CSMD1: variants seen among roughly 807,000 people sequenced by gnomAD.
The protein encoded by CSMD1 is CUB and sushi domain-containing protein 1.
Under a neutral mutation model 417.5 loss-of-function variants are expected in CSMD1, and 213 were observed. The ratio of observed to expected loss-of-function variants is 0.51; its 90% CI spans 0.46 to 0.57. The LOEUF (loss-of-function observed/expected upper bound fraction) is 0.57, where lower values mean the gene tolerates loss of function less well. CSMD1 is among the 20% of genes least tolerant of loss of function. The pLI is 0.00. For synonymous variants in CSMD1, 2,862 were observed against 1,736.8 expected, an observed-to-expected ratio of 1.65 and a Z score of -16.11; for missense variants, 6,923 against 4,529.7, an observed-to-expected ratio of 1.53 and a Z score of -15.17.
intron 2 of CSMD1, among the ~76,000 whole-genome samples, chr8:4,420,965 C>G (rs891903533): frequency 6.6e-6 from 1 of 152,276 alleles, no homozygotes. Context: ...TCACGGGGAT[C>G]TTCAACTCTC....
rs1033007028 is a variant in CSMD1 at position 4,037,503 on chromosome 8, A to G, written c.416-5404T>C. On this transcript the variant is annotated intron_variant, in intron 3 of 69. Coordinates refer to ENST00000635120, the MANE Select transcript of CSMD1 (RefSeq NM_033225.6). ...TACAGATTTTTTTCTTTACCTTAACATCTTGACACTTAATTTTAGAAGAAT... is the reference window on the plus strand; with the variant it reads ...TACAGATTTTTTTCTTTACCTTAACGTCTTGACACTTAATTTTAGAAGAAT... Among the ~76,000 whole-genome samples the G allele has an allele frequency of 2.0e-5, 3 of 152,278 alleles. No individual in the cohort carries two copies. The East Asian group carries it at 5.8e-4, about 29-fold the overall frequency.
intron 3 of CSMD1, among the ~76,000 whole-genome samples, chr8:4,236,539 G>A (rs924894570): frequency 4.6e-5 from 7 of 152,242 alleles, no homozygotes; most frequent in Middle Eastern, 6.8e-3. Flanking sequence ...GATTTCATGT[G>A]ACTTAGAAAA....
intron 26 of CSMD1, among the ~76,000 whole-genome samples, chr8:3,271,278 A>G (rs1484417466): frequency 1.3e-5 from 2 of 151,892 alleles, no homozygotes; most frequent in Non-Finnish European, 2.9e-5. Context: ...TTAAGGCTGC[A>G]TAGTATTCCA....
intron 1 of CSMD1, among the ~76,000 whole-genome samples, chr8:4,669,498 C>G (rs1343391503): frequency 6.6e-6 from 1 of 152,140 alleles, no homozygotes; most frequent in Non-Finnish European, 1.5e-5. Flanking sequence ...GTCATCTTTC[C>G]TTTCTGCCTA....
At chr8:4,005,193 C>A (rs763339186) in intron 4 of CSMD1, among the ~76,000 whole-genome samples, 2 of 152,102 alleles carry the variant, frequency 1.3e-5, no homozygotes, top group African/African-American at 2.4e-5. Flanking sequence ...GCAGTGCATA[C>A]TGCACAGGTG....
At chr8:4,399,157 T>A (rs999341996) in intron 3 of CSMD1, among the ~76,000 whole-genome samples, 9 of 152,198 alleles carry the variant, frequency 5.9e-5, no homozygotes, top group African/African-American at 2.2e-4. Flanking sequence ...CTTTGTGTGA[T>A]CAGCATACAG....
intron 3 of CSMD1, among the ~76,000 whole-genome samples, chr8:4,248,935 T>C (rs1003839603): frequency 5.0e-4 from 76 of 152,230 alleles, no homozygotes; most frequent in Non-Finnish European, 1.5e-4. Flanking sequence ...TTAATGCATG[T>C]AGATGCATAA....
At chr8:2,983,082 T>C (rs1212176073) in intron 54 of CSMD1, among the ~76,000 whole-genome samples, 2 of 152,222 alleles carry the variant, frequency 1.3e-5, no homozygotes, top group Non-Finnish European at 2.9e-5. Flanking sequence ...TCAACTGTTT[T>C]TTAATTAGAT....
chr8:4,033,593 T>C (rs768316173), intron 3 of CSMD1, among the ~76,000 whole-genome samples: 1 of 152,194 alleles, frequency 6.6e-6, no homozygotes, highest in African/African-American at 2.4e-5. Flanking sequence ...TGTGTAAAAC[T>C]AAGTTGTGGC....
At chr8:3,767,425 G>A (rs1487660754) in intron 5 of CSMD1, among the ~76,000 whole-genome samples, 1 of 152,170 alleles carries the variant, frequency 6.6e-6, no homozygotes, top group Non-Finnish European at 1.5e-5. Flanking sequence ...TGTTCATTGT[G>A]TGAATAACGA....
intron 1 of CSMD1, among the ~76,000 whole-genome samples, chr8:4,794,728 A>G (rs1797880917): frequency 6.6e-6 from 1 of 152,206 alleles, no homozygotes. Context: ...TCTCAGGAAA[A>G]AAGCTCTGAA....
chr8:3,508,439 T>C (rs967783758), intron 10 of CSMD1, among the ~76,000 whole-genome samples: 3 of 151,852 alleles, frequency 2.0e-5, no homozygotes, highest in East Asian at 1.9e-4. Context: ...CACACCAACA[T>C]GGCACATGTA....
chr8:4,188,833 A>AC (rs1798842329), intron 3 of CSMD1, among the ~76,000 whole-genome samples: 1 of 147,238 alleles, frequency 6.8e-6, no homozygotes, highest in East Asian at 2.1e-4. Flanking sequence ...TGGGAGGGAT[A>AC]TTAAAAAAAA....
intron 1 of CSMD1, among the ~76,000 whole-genome samples, chr8:4,900,366 G>A (rs1804785966): frequency 6.6e-6 from 1 of 152,150 alleles, no homozygotes; most frequent in East Asian, 1.9e-4. Flanking sequence ...AAATGTTGGA[G>A]CAACCCTTGA....
chr8:3,018,382 G>C (rs1809044468), intron 52 of CSMD1, 95 bp downstream of exon 52: 5 of 1,133,974 alleles, frequency 4.4e-6, no homozygotes, highest in Admixed American at 4.5e-5. Flanking sequence ...TAGGATTTAA[G>C]GCATTATAGC....
chr8:3,601,010 C>T (rs770631479), intron 8 of CSMD1, among the ~76,000 whole-genome samples: 4 of 152,116 alleles, frequency 2.6e-5, no homozygotes, highest in African/African-American at 4.8e-5. Context: ...TCTCTATGTG[C>T]AAGAATCAGC....
intron 10 of CSMD1, among the ~76,000 whole-genome samples, chr8:3,544,989 C>T (rs1185587908): frequency 6.6e-6 from 1 of 151,794 alleles, no homozygotes; most frequent in African/African-American, 2.4e-5. Flanking sequence ...ATTTTTGTTC[C>T]TTTTATGAAA....
At chr8:3,747,397 A>C (rs1797112709) in intron 6 of CSMD1, among the ~76,000 whole-genome samples, 1 of 150,846 alleles carries the variant, frequency 6.6e-6, no homozygotes, top group South Asian at 2.2e-4. Flanking sequence ...TTTTCACAGA[A>C]ATATTATGTA....
At chr8:4,471,550 C>G (rs984800375) in intron 2 of CSMD1, among the ~76,000 whole-genome samples, 1 of 152,004 alleles carries the variant, frequency 6.6e-6, no homozygotes, top group Admixed American at 6.6e-5. Context: ...AGAACCAGTG[C>G]ATGGTGTTTA....
Sources: allele counts gnomAD v4.1 joint callset (sites outside exome capture counted in the v4.1 genomes callset), GRCh38; gene constraint gnomAD v4.1.1; transcripts MANE v1.5; gene names NCBI Gene and HGNC (gene_info 2026-07-23, HGNC 2026-07-21).